Variants in GPC4 observed in about 807,000 individuals in gnomAD.
GPC4 encodes the protein glypican 4, also known as glypican-4.
Under a neutral mutation model 35.0 loss-of-function variants are expected in GPC4, and 10 were observed. That is an observed-to-expected ratio of 0.29 (90% CI 0.18 to 0.48). The LOEUF (loss-of-function observed/expected upper bound fraction) is 0.48. Among genes scored for constraint, GPC4 ranks in the 20% least tolerant of loss-of-function variants. GPC4 has a pLI of 0.99. For missense variants in GPC4, 322 were observed against 451.3 expected (o/e 0.71, Z 2.60); for synonymous variants, 167 against 170.2 (o/e 0.98, Z 0.15).
intron 1 of GPC4, among the ~76,000 whole-genome samples, chrX:133,359,746 A>G (rs183356846): frequency 2.7e-4 from 30 of 111,417 alleles, no homozygotes; most frequent in African/African-American, 9.1e-4. Flanking sequence ...CCTGCATCTA[A>G]TCAACAAACC....
intron 1 of GPC4, among the ~76,000 whole-genome samples, chrX:133,378,588 GAA>G (rs71786541): frequency 1.4e-4 from 9 of 63,140 alleles, no homozygotes; most frequent in African/African-American, 2.9e-4. Context: ...AAAAAAAAAA[GAA>G]AAAAAAAAAA....
At chrX:133,345,063 G>T (rs2068486634) in intron 1 of GPC4, among the ~76,000 whole-genome samples, 2 of 112,150 alleles carry the variant, frequency 1.8e-5, no homozygotes, top group South Asian at 7.5e-4. Flanking sequence ...TTTACAAGGG[G>T]TTTTTTTAAG....
intron 1 of GPC4, among the ~76,000 whole-genome samples, chrX:133,380,116 CATTTGAGGCCAGGA>C (rs1465294261): frequency 9.1e-6 from 1 of 110,430 alleles, no homozygotes; most frequent in Non-Finnish European, 1.9e-5. Context: ...GTGGGAGGAT[CATTTGAGGCCAGGA>C]GTTTGAGACC....
At chrX:133,377,887 T>TC (rs1346277613) in intron 1 of GPC4, among the ~76,000 whole-genome samples, 3 of 105,556 alleles carry the variant, frequency 2.8e-5, no homozygotes, top group Non-Finnish European at 1.9e-5. Flanking sequence ...CTTTTTTTTT[T>TC]TCTTTTTTTT....
intron 1 of GPC4, among the ~76,000 whole-genome samples, chrX:133,354,231 AT>A (rs987837148): frequency 2.7e-5 from 3 of 112,306 alleles, no homozygotes; most frequent in Non-Finnish European, 5.6e-5. Flanking sequence ...AAATAAAAAA[AT>A]AAACCTTCTC....
intron 1 of GPC4, among the ~76,000 whole-genome samples, chrX:133,361,562 C>G (rs1156929917): frequency 9.3e-6 from 1 of 107,641 alleles, no homozygotes; most frequent in African/African-American, 3.4e-5. Context: ...ATCCAAAACA[C>G]TCAAGAAAAA....
intron 1 of GPC4, among the ~76,000 whole-genome samples, chrX:133,343,445 T>C (rs1569347071): frequency 8.9e-6 from 1 of 112,053 alleles, no homozygotes; most frequent in East Asian, 2.8e-4. Context: ...TGGTGCATAA[T>C]ATGAAACTGA....
intron 5 of GPC4, 28 bp downstream of exon 5, chrX:133,305,996 C>A: frequency 2.5e-6 from 3 of 1,210,751 alleles, no homozygotes; most frequent in Non-Finnish European, 3.4e-6. Flanking sequence ...GTCCCTAGCT[C>A]CCCTTTCCAG....
intron 2 of GPC4, among the ~76,000 whole-genome samples, chrX:133,333,352 A>T (rs1388632470): frequency 8.9e-6 from 1 of 112,902 alleles, no homozygotes; most frequent in Admixed American, 9.4e-5. Flanking sequence ...AGCTAAGAGG[A>T]GAGGCCCAAA....
intron 2 of GPC4, among the ~76,000 whole-genome samples, chrX:133,333,757 G>A (rs1480584371): frequency 1.8e-5 from 2 of 112,731 alleles, no homozygotes; most frequent in African/African-American, 3.2e-5. Context: ...CCGTACTTTC[G>A]AGGCTACTCA....
At chrX:133,406,283 A>G (rs2068786812) in intron 1 of GPC4, among the ~76,000 whole-genome samples, 1 of 112,455 alleles carries the variant, frequency 8.9e-6, no homozygotes, top group African/African-American at 3.2e-5. Context: ...TGTGGTTCAC[A>G]CTTATATCTT....
intron 1 of GPC4, among the ~76,000 whole-genome samples, chrX:133,347,171 G>T (rs2068494938): frequency 9.5e-6 from 1 of 105,610 alleles, no homozygotes; most frequent in Admixed American, 1.0e-4. Flanking sequence ...TTAATAACGG[G>T]ATACTGGGGG....
chrX:133,371,539 G>C (rs1309158322), intron 1 of GPC4, among the ~76,000 whole-genome samples: 1 of 111,552 alleles, frequency 9.0e-6, no homozygotes, highest in Admixed American at 9.6e-5. Context: ...GCTAAAATAT[G>C]CTCAGGTTTT....
intron 2 of GPC4, among the ~76,000 whole-genome samples, chrX:133,333,453 T>A (rs761423296): frequency 1.1e-4 from 12 of 112,940 alleles, no homozygotes; most frequent in Non-Finnish European, 1.9e-4. Flanking sequence ...ACACTTCAGA[T>A]AACAACTCAA....
Position 133,305,803 on chromosome X carries a change from G to A in GPC4, c.1124C>T (p.Thr375Ile). The A allele has an allele frequency of 8.3e-7, 1 of 1,212,024 alleles. No individual in the cohort carries two copies. Among genetic ancestry groups the A allele is most frequent in the Non-Finnish European group, 1.1e-6 (1 of 895,609 alleles). Residue 375 changes from threonine to isoleucine, a missense_variant, in exon 6 of 9, where the codon ACC (threonine) becomes ATC (isoleucine). By Grantham distance (89) the Thr-to-Ile change is moderately conservative. Transcript: ENST00000370828. The stretch of plus-strand genomic sequence containing the variant: ...GTCCAAACTAGTGCCAGCTGCTGTG[G>A]TTGGGCGTTCCTCGGGGTGATGTGG... ...FRPHHPEERPTTAAGTSLDRL... is the reference protein window; with the variant it reads ...FRPHHPEERPITAAGTSLDRL...
intron 2 of GPC4, among the ~76,000 whole-genome samples, chrX:133,329,890 T>C (rs1279436072): frequency 8.9e-6 from 1 of 111,764 alleles, no homozygotes; most frequent in Non-Finnish European, 1.9e-5. Context: ...GTAAATATCC[T>C]GTCTTTTAAA....
intron 3 of GPC4, among the ~76,000 whole-genome samples, chrX:133,321,048 A>G (rs1384445731): frequency 8.9e-6 from 1 of 111,837 alleles, no homozygotes; most frequent in African/African-American, 3.2e-5. Flanking sequence ...CCTCTTTTAA[A>G]AAAGAAAGGA....
chrX:133,338,190 C>CT (rs774080500), intron 2 of GPC4, among the ~76,000 whole-genome samples: 15 of 111,608 alleles, frequency 1.3e-4, no homozygotes, highest in African/African-American at 4.9e-4. Context: ...CTAATTTAGT[C>CT]TAACTTTCTC....
chrX:133,369,797 C>T (rs1379670934), intron 1 of GPC4, among the ~76,000 whole-genome samples: 1 of 111,188 alleles, frequency 9.0e-6, no homozygotes, highest in Non-Finnish European at 1.9e-5. Context: ...TGTTTAATGA[C>T]CTATGAAATA....
Sources: gnomAD v4.1 joint callset for allele counts (sites outside exome capture counted in the v4.1 genomes callset) on GRCh38, gnomAD v4.1.1 for gene constraint, MANE v1.5 for transcripts, NCBI Gene and HGNC (gene_info 2026-07-23, HGNC 2026-07-21) for gene names.